Variants in SARDH observed in about 807,000 individuals in gnomAD.
SARDH encodes sarcosine dehydrogenase, mitochondrial.
A neutral mutation model predicts 109.1 loss-of-function variants in SARDH; 95 were observed. The observed-to-expected ratio is 0.87, with a 90% CI of 0.74 to 1.03. The LOEUF (loss-of-function observed/expected upper bound fraction) is 1.03. SARDH is among the 50% of genes least tolerant of loss of function. The pLI, the probability that SARDH is intolerant of heterozygous loss-of-function variation, is 0.00. For missense variants in SARDH, 1,267 were observed against 1,287.8 expected (o/e 0.98, Z 0.25); for synonymous variants, 572 against 534.8 (o/e 1.07, Z -0.96).
chr9:133,705,533 T>TGCC (rs1314617166), intron 11 of SARDH, among the ~76,000 whole-genome samples: 11 of 111,304 alleles, frequency 9.9e-5, no homozygotes, highest in Non-Finnish European at 2.1e-4. Context: ...ACTTACCGCC[T>TGCC]GCCCCATCTG....
At position 133,666,602 on chromosome 9, in the gene SARDH, CCCTCCTCCTCTTCTGGACCACACCCGTG is replaced by C; in HGVS notation, c.2631+105_2631+132del. ...TCTTCCCTCCTCCCTCCTTTCTCTTCCCTCCTCCTCTTCTGGACCACACCCGTGCCTCCTCCCTATGCCCGGCACACTC... is the reference window on the plus strand; with the variant it reads ...TCTTCCCTCCTCCCTCCTTTCTCTTCCCTCCTCCCTATGCCCGGCACACTC... On this transcript the variant is annotated intron_variant, in intron 20 of 20. Transcript: ENST00000439388. This position sits in a 1 kb window ranked among gnomAD's most constrained non-coding sequence, Gnocchi z 5.2. 1 of 1,152,504 alleles carries C rather than the reference CCCTCCTCCTCTTCTGGACCACACCCGTG, an allele frequency of 8.7e-7. No individual in the cohort carries two copies. The highest frequency in any genetic ancestry group is 1.6e-5 in the South Asian group (1 of 62,882). 71.4% of individuals were successfully genotyped at this position (1,152,504 alleles called of 1,614,324 possible).
chr9:133,685,331 T>C, intron 16 of SARDH, 45 bp from the exon 17 acceptor site: 1 of 1,563,530 alleles, frequency 6.4e-7, no homozygotes, highest in Non-Finnish European at 8.7e-7. Flanking sequence ...TGCTCACGGG[T>C]GGGGCCTGGG....
intron 17 of SARDH, among the ~76,000 whole-genome samples, chr9:133,683,516 G>A (rs567151769): frequency 6.6e-5 from 10 of 152,340 alleles, no homozygotes; most frequent in Admixed American, 4.6e-4. Context: ...TCTGAAGGCC[G>A]TGTGGCCTGG....
At chr9:133,727,143 C>G (rs1832520775) in intron 6 of SARDH, among the ~76,000 whole-genome samples, 1 of 152,220 alleles carries the variant, frequency 6.6e-6, no homozygotes, top group Non-Finnish European at 1.5e-5. Flanking sequence ...CCCGAGCCAC[C>G]TGCTTTAATG....
chr9:133,693,359 C>T lies in SARDH; in HGVS notation c.1921+899G>A, dbSNP rs551298708. Among the ~76,000 whole-genome samples the T allele has an allele frequency of 1.9e-4, 29 of 152,254 alleles. No individual in the cohort carries two copies. In the South Asian group the frequency reaches 4.8e-3, roughly 25 times the overall value. On this transcript the variant is annotated intron_variant, in intron 15 of 20. Coordinates refer to ENST00000439388, the MANE Select transcript of SARDH (RefSeq NM_001134707.2). The surrounding 1 kb of genome is among the most constrained non-coding windows in gnomAD (Gnocchi z 5.6). ...CTCCCCCAGTGCCCAAGCTGGGGCTCGACACTGACCGAGTCCCAGTGAGGA... is the reference window on the plus strand; with the variant it reads ...CTCCCCCAGTGCCCAAGCTGGGGCTTGACACTGACCGAGTCCCAGTGAGGA...
At chr9:133,729,199 G>T (rs1832590000) in intron 6 of SARDH, among the ~76,000 whole-genome samples, 1 of 152,062 alleles carries the variant, frequency 6.6e-6, no homozygotes, top group Non-Finnish European at 1.5e-5. Context: ...ATGGAAAGAG[G>T]GGGGTCAGTA....
intron 17 of SARDH, among the ~76,000 whole-genome samples, chr9:133,672,361 C>A (rs1234057629): frequency 6.6e-6 from 1 of 152,250 alleles, no homozygotes; most frequent in Non-Finnish European, 1.5e-5. Context: ...TTCACAGGTT[C>A]TGACGAGTTA....
At position 133,671,574 on chromosome 9, in the gene SARDH, C is replaced by T. The variant is rs764863613; in HGVS notation, c.2287G>A (p.Ala763Thr). ...AGGGAGTCGATGGCGCGGTACCCTG[C>T]GTTGATGAGGCCGTGCTTGGCACCC... ...AAGAKHGLIN[A>T]GYRAIDSLSI... The change falls in exon 18 of 21, where the codon GCA becomes ACA. Residue 763 changes from alanine to threonine, a missense_variant. By Grantham distance (58) the Ala-to-Thr change is moderately conservative (BLOSUM62 0). Coordinates refer to ENST00000439388, the MANE Select transcript of SARDH (RefSeq NM_001134707.2). The T allele has an allele frequency of 6.9e-5, 111 of 1,608,752 alleles. No individual in the cohort carries two copies. The highest frequency in any genetic ancestry group is 9.1e-5 in the Non-Finnish European group (107 of 1,178,380).
intron 13 of SARDH, among the ~76,000 whole-genome samples, chr9:133,701,723 G>A (rs896776795): frequency 6.6e-6 from 1 of 152,190 alleles, no homozygotes; most frequent in African/African-American, 2.4e-5. Context: ...CTGCTGCGGC[G>A]CTTCATGACA....
In SARDH at chr9:133,712,700, A is replaced by C. The variant is rs1323049347; in HGVS notation, c.1247T>G (p.Leu416Arg). Reference protein sequence around the residue: ...GCGFNSAGMMLGGGCGQELAH... With the variant: ...GCGFNSAGMMRGGGCGQELAH... ...CAGCTCCTGCCCACAGCCACCACCC[A>C]GCATCATTCCTGGCAGGAAGAGAAG... Residue 416 changes from leucine to arginine, a missense_variant, in exon 10 of 21, where the codon CTG becomes CGG. By Grantham distance (102) the Leu-to-Arg change is moderately radical (BLOSUM62 -2). Transcript: ENST00000439388. The surrounding 1 kb of genome is among the most constrained non-coding windows in gnomAD (Gnocchi z 4.1). The C allele has an allele frequency of 6.2e-7, 1 of 1,608,884 alleles. No individual in the cohort carries two copies. Among genetic ancestry groups the C allele is most frequent in the South Asian group, 1.1e-5 (1 of 91,056 alleles).
At chr9:133,694,747 C>T (rs753947400) in intron 14 of SARDH, among the ~76,000 whole-genome samples, 6 of 152,232 alleles carry the variant, frequency 3.9e-5, no homozygotes, top group Non-Finnish European at 7.3e-5. Context: ...TGCCTGGTAC[C>T]GGAGAAGACT....
chr9:133,707,792 G>C lies in SARDH; in HGVS notation c.1470+495C>G, dbSNP rs555578800. Among the ~76,000 whole-genome samples the C allele has an allele frequency of 1.1e-3, 162 of 152,278 alleles. 1 individual carries two copies. The highest frequency in any genetic ancestry group is 3.8e-3 in the African/African-American group (157 of 41,556). ...TTTGGGGGACCAGGGGAGGGCACAG[G>C]GGCAGACCTGAGAAAGGGGCACCTG... On this transcript the variant is annotated intron_variant, in intron 11 of 20. Coordinates refer to ENST00000439388, the MANE Select transcript of SARDH (RefSeq NM_001134707.2).
intron 13 of SARDH, among the ~76,000 whole-genome samples, chr9:133,696,928 C>T (rs1275702485): frequency 6.6e-6 from 1 of 151,912 alleles, no homozygotes; most frequent in Non-Finnish European, 1.5e-5. Context: ...AGAAAAAGAG[C>T]ATAATTAAAC....
intron 17 of SARDH, among the ~76,000 whole-genome samples, chr9:133,684,015 G>A (rs1009449366): frequency 2.6e-5 from 4 of 151,950 alleles, no homozygotes; most frequent in African/African-American, 9.7e-5. Context: ...CTCCATCTGG[G>A]TAACATCCGT....
downstream of SARDH, among the ~76,000 whole-genome samples, chr9:133,662,233 T>TA (rs1382699993): frequency 1.3e-5 from 2 of 152,114 alleles, no homozygotes; most frequent in Non-Finnish European, 2.9e-5. The surrounding 1 kb of genome is among the most constrained non-coding windows in gnomAD (Gnocchi z 5.1). Context: ...GTTGCGTGCA[T>TA]TCCCCAGCTG....
intron 14 of SARDH, among the ~76,000 whole-genome samples, chr9:133,695,224 C>A (rs1831240939): frequency 6.6e-6 from 1 of 152,158 alleles, no homozygotes; most frequent in South Asian, 2.1e-4. Context: ...GGGAGGATCA[C>A]CTGAGGTCAG....
intron 10 of SARDH, among the ~76,000 whole-genome samples, 197 bp from the exon 11 acceptor site, chr9:133,708,625 C>T (rs1399326438): frequency 1.3e-5 from 2 of 152,144 alleles, no homozygotes; most frequent in Non-Finnish European, 2.9e-5. Context: ...GCCACCCCAC[C>T]CCAGTGGCCC....
At chr9:133,682,545 T>C (rs1357317075) in intron 17 of SARDH, among the ~76,000 whole-genome samples, 1 of 152,220 alleles carries the variant, frequency 6.6e-6, no homozygotes. Flanking sequence ...TCACGAGACC[T>C]GCCCACAGAC....
In SARDH at chr9:133,693,812, G is replaced by A. The variant is rs1831186289; in HGVS notation, c.1921+446C>T. 6.6e-6 allele frequency among the ~76,000 whole-genome samples: 1 copy of A among 152,214 alleles called. No homozygotes were observed. Among genetic ancestry groups the A allele is most frequent in the Non-Finnish European group, 1.5e-5 (1 of 68,046 alleles). On this transcript the variant is annotated intron_variant, in intron 15 of 20. Coordinates refer to ENST00000439388, the MANE Select transcript of SARDH (RefSeq NM_001134707.2). This position sits in a 1 kb window ranked among gnomAD's most constrained non-coding sequence, Gnocchi z 5.6. ...CAGCAGGCAATCAGGCATCAGCGTG[G>A]GCCCTGAACTGGACGTCTTCTAAGG...
Sources: allele counts gnomAD v4.1 joint callset (sites outside exome capture counted in the v4.1 genomes callset), GRCh38; gene constraint gnomAD v4.1.1; non-coding constraint Gnocchi (gnomAD v3.1); transcripts MANE v1.5; gene names NCBI Gene and HGNC (gene_info 2026-07-23, HGNC 2026-07-21).